The following TRERF1 variants were observed in gnomAD, a reference collection of about 807,000 sequenced individuals.
TRERF1 encodes transcriptional-regulating factor 1.
A neutral mutation model predicts 122.9 loss-of-function variants in TRERF1; 27 were observed. The observed-to-expected ratio is 0.22, with a 90% CI of 0.16 to 0.30. The LOEUF is 0.30. TRERF1 is among the 10% of genes least tolerant of loss of function. The pLI is 1.00. For missense variants in TRERF1, 1,248 were observed against 1,560.3 expected, an observed-to-expected ratio of 0.80 and a Z score of 3.37; for synonymous variants, 636 against 641.7, an observed-to-expected ratio of 0.99 and a Z score of 0.13.
At chr6:42,252,008 G>A (rs1208546433) in intron 13 of TRERF1, among the ~76,000 whole-genome samples, 1 of 152,210 alleles carries the variant, frequency 6.6e-6, no homozygotes, top group Non-Finnish European at 1.5e-5. Context: ...CCCAACCCAA[G>A]TGCTAATTGG....
intron 17 of TRERF1, among the ~76,000 whole-genome samples, chr6:42,231,338 CCAGT>C (rs1309207733): frequency 6.6e-6 from 1 of 152,174 alleles, no homozygotes; most frequent in African/African-American, 2.4e-5. Context: ...TATAAATTAT[CCAGT>C]CAGTGATATT....
chr6:42,322,588 CAA>C (rs900629255), intron 3 of TRERF1, among the ~76,000 whole-genome samples: 3 of 151,914 alleles, frequency 2.0e-5, no homozygotes, highest in African/African-American at 7.3e-5. Context: ...AGAGAACGAT[CAA>C]AAGAGTTTAA....
Position 42,263,527 on chromosome 6 carries a change from T to C in TRERF1, c.1677A>G (p.Pro559=), listed in dbSNP as rs2149836073. ...GCGGAGGCGGAGGCGGAGGCGGCAG[T>C]GGTGGCTGGGGCTGAGGCGGCAGGA... Residue 559 remains proline, a synonymous_variant, in exon 8 of 18, where the codon CCA becomes CCG. Coordinates refer to ENST00000372922, the Ensembl canonical transcript of TRERF1. The surrounding 1 kb of genome is among the most constrained non-coding windows in gnomAD (Gnocchi z 5.6). 1 of 1,565,040 alleles carries C rather than the reference T, an allele frequency of 6.4e-7. No homozygotes were observed. The highest frequency in any genetic ancestry group is 8.7e-7 in the Non-Finnish European group (1 of 1,153,978).
chr6:42,413,530 A>G (rs1003746686), intron 2 of TRERF1, among the ~76,000 whole-genome samples: 9 of 151,472 alleles, frequency 5.9e-5, no homozygotes, highest in African/African-American at 2.2e-4. Flanking sequence ...CTTGGGTTCA[A>G]GTGATTCTCC....
intron 3 of TRERF1, among the ~76,000 whole-genome samples, chr6:42,322,757 C>A (rs11755637): frequency 0.039 from 5,997 of 152,168 alleles, 270 homozygotes; most frequent in East Asian, 0.22. Context: ...ATCTGGAGGA[C>A]TGGAGCTGTA....
At chr6:42,388,443 G>A (rs1777180755) in intron 2 of TRERF1, among the ~76,000 whole-genome samples, 3 of 152,016 alleles carry the variant, frequency 2.0e-5, no homozygotes, top group African/African-American at 4.8e-5. Context: ...CATCAAGTCC[G>A]CACAGTTGCC....
intron 13 of TRERF1, among the ~76,000 whole-genome samples, chr6:42,254,507 G>A (rs1218586325): frequency 6.6e-6 from 1 of 152,120 alleles, no homozygotes; most frequent in Non-Finnish European, 1.5e-5. Flanking sequence ...CAAGGGGTGC[G>A]GTAGAATCTA....
intron 3 of TRERF1, among the ~76,000 whole-genome samples, chr6:42,344,773 G>A (rs1299116205): frequency 3.3e-5 from 5 of 152,108 alleles, no homozygotes; most frequent in Non-Finnish European, 7.4e-5. Context: ...CTGACCACCT[G>A]GATGAAAACT....
At chr6:42,409,387 C>G (rs760130055) in intron 2 of TRERF1, among the ~76,000 whole-genome samples, 14 of 152,142 alleles carry the variant, frequency 9.2e-5, no homozygotes, top group Admixed American at 2.6e-4. Flanking sequence ...CTACTGCTTG[C>G]CTGCCTTGTT....
At chr6:42,288,208 G>A (rs1041283815) in intron 4 of TRERF1, among the ~76,000 whole-genome samples, 1 of 152,186 alleles carries the variant, frequency 6.6e-6, no homozygotes, top group South Asian at 2.1e-4. Context: ...TATAGGGCTT[G>A]CAGTCTGGGT....
At chr6:42,333,973 G>A (rs972030672) in intron 3 of TRERF1, among the ~76,000 whole-genome samples, 46 of 143,292 alleles carry the variant, frequency 3.2e-4, no homozygotes, top group Non-Finnish European at 4.7e-4. Flanking sequence ...AGGCCACTAG[G>A]AAAAAAAAGA....
intron 2 of TRERF1, among the ~76,000 whole-genome samples, chr6:42,406,724 T>A (rs1780232651): frequency 6.6e-6 from 1 of 151,998 alleles, no homozygotes; most frequent in South Asian, 2.1e-4. Context: ...AAAAACAGCA[T>A]CCCTGGCCTT....
chr6:42,403,943 C>T (rs1297945379), intron 2 of TRERF1, among the ~76,000 whole-genome samples: 1 of 152,090 alleles, frequency 6.6e-6, no homozygotes, highest in Non-Finnish European at 1.5e-5. Context: ...CCCCCCCAGG[C>T]CTTGCCACAG....
rs1252394953 is a variant in TRERF1 at position 42,285,651 on chromosome 6, C to T, written c.-259+14987G>A. On this transcript the variant is annotated intron_variant, in intron 4 of 17. Coordinates refer to ENST00000372922, the Ensembl canonical transcript of TRERF1. ...AGATAGCTCTTATTATTTTGAAATA[C>T]GTCCCATCAATACCTAATTTATTGA... Among the ~76,000 whole-genome samples the T allele has an allele frequency of 8.6e-5, 13 of 150,648 alleles. No homozygotes were observed. In the South Asian group the frequency reaches 2.1e-3, roughly 24 times the overall value.
At chr6:42,379,298 A>G (rs1176012660) in intron 2 of TRERF1, among the ~76,000 whole-genome samples, 1 of 152,054 alleles carries the variant, frequency 6.6e-6, no homozygotes, top group Non-Finnish European at 1.5e-5. Flanking sequence ...CTACCATGCC[A>G]AAGAGATGGA....
rs565558328 is a variant in TRERF1, at chr6:42,418,463, G to A, written c.-454+32714C>T. 3.3e-5 allele frequency among the ~76,000 whole-genome samples: 5 copies of A among 151,768 alleles called. No homozygotes were observed. The East Asian group carries it at 9.7e-4, about 29-fold the overall frequency. ...TTTTTGTATTTTCAGTAGACATGGG[G>A]TTTCACCATGTTGGCCAGGCTGGTC... is the stretch of plus-strand genomic sequence containing the variant. On this transcript the variant is annotated intron_variant, in intron 2 of 17. Transcript: ENST00000372922.
intron 4 of TRERF1, among the ~76,000 whole-genome samples, chr6:42,294,494 A>T (rs920220428): frequency 1.3e-5 from 2 of 151,908 alleles, no homozygotes; most frequent in African/African-American, 4.8e-5. Flanking sequence ...TGTTGCAATT[A>T]AAAAAAATAG....
chr6:42,349,820 A>G (rs1165735441), intron 3 of TRERF1, among the ~76,000 whole-genome samples: 1 of 152,170 alleles, frequency 6.6e-6, no homozygotes, highest in East Asian at 1.9e-4. Context: ...GCCCAGAGGA[A>G]CAATACCAAT....
intron 2 of TRERF1, among the ~76,000 whole-genome samples, chr6:42,426,879 G>C (rs147876396): frequency 2.0e-5 from 3 of 152,110 alleles, no homozygotes; most frequent in African/African-American, 7.2e-5. Flanking sequence ...GCATATACTG[G>C]AATAATACTT....
Sources: gnomAD v4.1 joint callset for allele counts (sites outside exome capture counted in the v4.1 genomes callset) on GRCh38, gnomAD v4.1.1 for gene constraint, Gnocchi (gnomAD v3.1) non-coding constraint, MANE v1.5 for transcripts, NCBI Gene and HGNC (gene_info 2026-07-23, HGNC 2026-07-21) for gene names.